The following PCDH15 variants were observed in gnomAD, a reference collection of about 807,000 sequenced individuals.
PCDH15 encodes the protein protocadherin-15.
In PCDH15, 129 loss-of-function variants were observed where a neutral mutation model predicts 178.5. The ratio of observed to expected loss-of-function variants is 0.72; its 90% confidence interval spans 0.63 to 0.84. The LOEUF (loss-of-function observed/expected upper bound fraction) is 0.84, where lower values mean the gene tolerates loss of function less well. Among genes scored for constraint, PCDH15 ranks in the 40% least tolerant of loss-of-function variants. The pLI is 0.00. For synonymous variants in PCDH15, 800 were observed against 732.0 expected (o/e 1.09, Z -1.50); for missense variants, 2,230 against 2,099.9 (o/e 1.06, Z -1.21).
chr10:55,573,597 TA>T (rs1454056643), intron 2 of PCDH15, among the ~76,000 whole-genome samples: 1 of 152,110 alleles, frequency 6.6e-6, no homozygotes, highest in Non-Finnish European at 1.5e-5. Flanking sequence ...TAATCAAATG[TA>T]AAAGTCTATT....
At chr10:54,884,979 C>T (rs933800676) in intron 3 of PCDH15, among the ~76,000 whole-genome samples, 1 of 151,894 alleles carries the variant, frequency 6.6e-6, no homozygotes, top group African/African-American at 2.4e-5. Flanking sequence ...CTTTCTTTGC[C>T]CTAATAGTTT....
At position 54,090,842 on chromosome 10, in the gene PCDH15, T is replaced by C. The variant is rs145100669; in HGVS notation, c.1918-779A>G. The stretch of plus-strand genomic sequence containing the variant: ...TCCAATTGTCCTATGTGATTATTTC[T>C]GTGTATCCATTTCTAAAACGAGGAC... On this transcript the variant is annotated intron_variant, in intron 15 of 37. Transcript: ENST00000644397. 9.7e-3 allele frequency among the ~76,000 whole-genome samples: 1,474 copies of C among 152,302 alleles called. 20 individuals are homozygous for C. The highest frequency in any genetic ancestry group is 0.034 in the African/African-American group (1,408 of 41,562).
intron 3 of PCDH15, among the ~76,000 whole-genome samples, chr10:54,503,780 T>C (rs1053222269): frequency 6.6e-6 from 1 of 151,940 alleles, no homozygotes. Flanking sequence ...CAACAAGAGG[T>C]GTTTAGATTG....
At chr10:55,300,624 T>C (rs10509032) in intron 1 of PCDH15, among the ~76,000 whole-genome samples, 30,934 of 152,126 alleles carry the variant, frequency 0.2, 5,037 homozygotes, top group African/African-American at 0.45. Flanking sequence ...ATGAGATTTT[T>C]CCGGGAATTC....
At chr10:54,020,660 CAGAG>C (rs57852524) in intron 19 of PCDH15, among the ~76,000 whole-genome samples, 1 of 148,918 alleles carries the variant, frequency 6.7e-6, no homozygotes, top group Admixed American at 6.7e-5. Context: ...GAGGGAGAGT[CAGAG>C]AGAGAGAGAG....
chr10:54,079,428 G>A lies in PCDH15; in HGVS notation c.1998-4C>T. On this transcript the variant is annotated splice_polypyrimidine_tract_variant and splice_region_variant and intron_variant, in intron 16 of 37. Transcript: ENST00000644397. ...CCCTAAGGTTAGAATCCCCGTGCTAGTGACAAAACAAACAAACAAATAAGA... is the reference window on the plus strand; with the variant it reads ...CCCTAAGGTTAGAATCCCCGTGCTAATGACAAAACAAACAAACAAATAAGA... 1 of 1,612,726 alleles carries A rather than the reference G, an allele frequency of 6.2e-7. No homozygotes were observed. The highest frequency in any genetic ancestry group is 8.5e-7 in the Non-Finnish European group (1 of 1,178,720).
chr10:53,972,089 G>C (rs1355998143), intron 21 of PCDH15, among the ~76,000 whole-genome samples: 6 of 152,088 alleles, frequency 3.9e-5, no homozygotes, highest in Non-Finnish European at 2.9e-5. Flanking sequence ...CCAAAACAGA[G>C]ATATAGGCCA....
At chr10:53,950,200 A>T (rs1373623054) in intron 23 of PCDH15, among the ~76,000 whole-genome samples, 1 of 151,966 alleles carries the variant, frequency 6.6e-6, no homozygotes, top group African/African-American at 2.4e-5. Context: ...TAATAATAGA[A>T]ATTGAAAAGG....
chr10:53,808,439 A>ATTGATTAGCTGATTGCATG, intron 37 of PCDH15: 1 of 1,229,840 alleles, frequency 8.1e-7, no homozygotes. Flanking sequence ...AATATTAAAT[A>ATTGATTAGCTGATTGCATG]TTGATTAGCT....
chr10:54,340,112 TAGA>T (rs1941953207), intron 6 of PCDH15, among the ~76,000 whole-genome samples: 1 of 152,226 alleles, frequency 6.6e-6, no homozygotes, highest in South Asian at 2.1e-4. Flanking sequence ...AGAGGACTTT[TAGA>T]AGAAGATATT....
At chr10:54,397,503 G>T (rs1589210854) in intron 3 of PCDH15, among the ~76,000 whole-genome samples, 1 of 151,906 alleles carries the variant, frequency 6.6e-6, no homozygotes, top group Non-Finnish European at 1.5e-5. Flanking sequence ...AGTCTTGCCT[G>T]TTTAACTCTA....
chr10:54,493,639 C>T (rs920089507), intron 3 of PCDH15, among the ~76,000 whole-genome samples: 3 of 151,872 alleles, frequency 2.0e-5, no homozygotes, highest in Admixed American at 1.3e-4. Flanking sequence ...CTCCCCCACC[C>T]GACTGTAAAC....
intron 1 of PCDH15, among the ~76,000 whole-genome samples, chr10:54,706,055 G>A (rs112051689): frequency 0.019 from 2,913 of 152,226 alleles, 85 homozygotes; most frequent in African/African-American, 0.065. Flanking sequence ...ATGCTCAGAT[G>A]TATAAAGCTG....
intron 15 of PCDH15, among the ~76,000 whole-genome samples, chr10:54,105,454 A>G (rs1350987976): frequency 1.3e-5 from 2 of 151,970 alleles, no homozygotes; most frequent in East Asian, 3.9e-4. Context: ...GCTGAGGAGC[A>G]AGGAATTCAG....
chr10:54,728,775 A>T (rs1186224753), intron 1 of PCDH15, among the ~76,000 whole-genome samples: 1 of 151,588 alleles, frequency 6.6e-6, no homozygotes, highest in East Asian at 1.9e-4. Context: ...ATTTCTATAC[A>T]TCAATAGTGT....
intron 3 of PCDH15, among the ~76,000 whole-genome samples, chr10:54,863,459 G>A (rs371933250): frequency 6.6e-6 from 1 of 152,220 alleles, no homozygotes; most frequent in African/African-American, 2.4e-5. Context: ...GGAGAATGGC[G>A]TGAACCCAGG....
chr10:53,902,686 T>A (rs918609419), intron 26 of PCDH15, among the ~76,000 whole-genome samples: 1 of 152,008 alleles, frequency 6.6e-6, no homozygotes, highest in Non-Finnish European at 1.5e-5. Flanking sequence ...AAGAAAAAAA[T>A]TGAAAACTTA....
intron 3 of PCDH15, among the ~76,000 whole-genome samples, chr10:54,425,082 T>C (rs11004295): frequency 0.18 from 27,567 of 151,722 alleles, 2,847 homozygotes; most frequent in African/African-American, 0.28. Context: ...GCATTTAGGA[T>C]ACCAGATGTA....
rs80109403 is a variant in PCDH15, at chr10:54,047,964, T to C, written c.2220+18793A>G. Among the ~76,000 whole-genome samples, 674 of 152,314 alleles carry C rather than the reference T, an allele frequency of 4.4e-3. 4 individuals carry two copies. Among genetic ancestry groups the C allele is most frequent in the African/African-American group, 0.015 (643 of 41,578 alleles). On this transcript the variant is annotated intron_variant, in intron 18 of 37. Coordinates refer to ENST00000644397, the MANE Select transcript of PCDH15 (RefSeq NM_001384140.1). Reference sequence around the variant, plus strand: ...AGAATGTTGGTTCAAGTGGTAGTTCTGTTTTTAGTTCAGCCACTGCAGAAA... The same window carrying C: ...AGAATGTTGGTTCAAGTGGTAGTTCCGTTTTTAGTTCAGCCACTGCAGAAA...
Sources: gnomAD v4.1 joint callset for allele counts (sites outside exome capture counted in the v4.1 genomes callset) on GRCh38, gnomAD v4.1.1 for gene constraint, MANE v1.5 for transcripts, NCBI Gene and HGNC (gene_info 2026-07-23, HGNC 2026-07-21) for gene names.